The following SERINC5 variants were observed in gnomAD, a reference collection of about 807,000 sequenced individuals.
SERINC5 encodes the protein serine incorporator 5.
In SERINC5, 41 loss-of-function variants were observed where a neutral mutation model predicts 63.1. The ratio of observed to expected loss-of-function variants is 0.65; its 90% CI spans 0.51 to 0.84. SERINC5 has a LOEUF of 0.84. Among genes scored for constraint, SERINC5 ranks in the 40% least tolerant of loss-of-function variants. The pLI, the probability that SERINC5 is intolerant of heterozygous loss-of-function variation, is 0.00. For missense variants in SERINC5, 523 were observed against 573.0 expected (o/e 0.91, Z 0.89); for synonymous variants, 222 against 215.2 (o/e 1.03, Z -0.28).
At chr5:80,125,184 T>TA (rs980623347) in intron 11 of SERINC5, among the ~76,000 whole-genome samples, 1 of 152,198 alleles carries the variant, frequency 6.6e-6, no homozygotes, top group African/African-American at 2.4e-5. Context: ...TGCTAGGTGC[T>TA]AGGTATACAA....
At chr5:80,233,782 T>C (rs1751560032) in intron 1 of SERINC5, among the ~76,000 whole-genome samples, 1 of 151,244 alleles carries the variant, frequency 6.6e-6, no homozygotes, top group African/African-American at 2.4e-5. Flanking sequence ...ACAGGAAGTA[T>C]TTTATAGATC....
chr5:80,157,507 G>A (rs777451968), intron 8 of SERINC5: 1 of 149,432 alleles, frequency 6.7e-6, no homozygotes, highest in Non-Finnish European at 1.5e-5. Flanking sequence ...CCACAGGCAC[G>A]TGCCATCACG....
At chr5:80,219,838 C>T (rs1345735822) in intron 1 of SERINC5, among the ~76,000 whole-genome samples, 2 of 151,330 alleles carry the variant, frequency 1.3e-5, no homozygotes, top group African/African-American at 4.8e-5. Flanking sequence ...CATCACCACC[C>T]GCCAACCTTT....
chr5:80,182,832 C>T (rs758180146), intron 2 of SERINC5, among the ~76,000 whole-genome samples: 4 of 152,170 alleles, frequency 2.6e-5, no homozygotes, highest in Admixed American at 1.3e-4. Flanking sequence ...AGGCGTGAAC[C>T]ACCATGCCCA....
intron 1 of SERINC5, among the ~76,000 whole-genome samples, chr5:80,228,349 ACACT>A (rs1189081527): frequency 6.6e-6 from 1 of 151,788 alleles, no homozygotes; most frequent in South Asian, 2.1e-4. Flanking sequence ...AAATGTATAG[ACACT>A]CAGCATAAAA....
chr5:80,165,619 G>C (rs902326222), intron 7 of SERINC5, among the ~76,000 whole-genome samples: 2 of 152,180 alleles, frequency 1.3e-5, no homozygotes, highest in African/African-American at 4.8e-5. Context: ...TGTTGTCTCT[G>C]TAAATAAATG....
chr5:80,136,874 G>C (rs924319924), downstream of SERINC5, among the ~76,000 whole-genome samples: 1 of 152,080 alleles, frequency 6.6e-6, no homozygotes. Context: ...AGTGGCTCGC[G>C]CCTGTAATCC....
Position 80,202,903 on chromosome 5 carries a change from G to A in SERINC5, c.178C>T (p.His60Tyr), listed in dbSNP as rs375854503. Residue 60 changes from histidine to tyrosine, a missense_variant, in exon 2 of 12, where the codon CAC becomes TAC. Coordinates refer to ENST00000507668, the MANE Select transcript of SERINC5 (RefSeq NM_001174072.3). The part of the protein sequence containing the change: ...CCIMMSTTVA[H>Y]KMKEHIPFFE... ...AAACTTACGTGCTCTTTCATCTTGT[G>A]AGCCACGGTTGTTGACATCATGATG... The A allele has an allele frequency of 6.2e-7, 1 of 1,610,544 alleles. No homozygotes were observed. Among genetic ancestry groups the A allele is most frequent in the Non-Finnish European group, 8.5e-7 (1 of 1,177,242 alleles).
intron 2 of SERINC5, among the ~76,000 whole-genome samples, chr5:80,184,925 G>A (rs1219697916): frequency 1.3e-5 from 2 of 152,036 alleles, no homozygotes; most frequent in Non-Finnish European, 2.9e-5. Flanking sequence ...TGCCCAGGCT[G>A]GAGTGCAGTG....
Position 80,140,106 on chromosome 5 carries a change from C to T in SERINC5, c.*3557G>A, listed in dbSNP as rs1282348640. 3 of 929,096 alleles carry T rather than the reference C, an allele frequency of 3.2e-6. No individual in the cohort carries two copies. The highest frequency in any genetic ancestry group is 3.6e-5 in the African/African-American group (2 of 55,984). The allele number at this position is 929,096 out of a possible 1,614,324, so 57.6% of individuals were successfully genotyped here. A position where few individuals can be genotyped will look rare whatever the true frequency, so the allele number is the denominator to read the frequency against. On this transcript the variant is annotated 3_prime_UTR_variant, in exon 12 of 12. Transcript: ENST00000507668. The stretch of plus-strand genomic sequence containing the variant: ...GCACTTTGGGAAGCCAAGGCGGGCA[C>T]ATTGCTTGAGCTCAGGAGTTTGAGA...
intron 2 of SERINC5, among the ~76,000 whole-genome samples, chr5:80,201,012 T>C (rs757883383): frequency 6.6e-5 from 10 of 151,968 alleles, no homozygotes; most frequent in Middle Eastern, 3.2e-3. Flanking sequence ...GGTGGGAGAA[T>C]TGCTTGAACC....
intron 4 of SERINC5, 30 bp from the exon 5 acceptor site, chr5:80,175,077 G>A (rs752270922): frequency 1.4e-6 from 2 of 1,468,036 alleles, no homozygotes; most frequent in Non-Finnish European, 9.3e-7. Context: ...ACACAATGAG[G>A]CAACCTTTCG....
intron 11 of SERINC5, among the ~76,000 whole-genome samples, chr5:80,144,101 G>A (rs1580056039): frequency 6.6e-6 from 1 of 151,300 alleles, no homozygotes; most frequent in Non-Finnish European, 1.5e-5. Flanking sequence ...TGATATAAAA[G>A]GAATCACATG....
In SERINC5 at chr5:80,143,092, G is replaced by A. The variant is rs965759641; in HGVS notation, c.*571C>T. On this transcript the variant is annotated 3_prime_UTR_variant, in exon 12 of 12. Transcript: ENST00000507668. ...CAGCATCACAACCTCAAAGGGAAAC[G>A]TTTAGGGGCCGTGAAGAGGCAGCAC... is the stretch of plus-strand genomic sequence containing the variant. The A allele has an allele frequency of 3.3e-5, 33 of 985,420 alleles. No individual in the cohort carries two copies. The African/African-American group carries it at 4.9e-4, about 15-fold the overall frequency. 61.0% of individuals were successfully genotyped at this position (985,420 alleles called of 1,614,324 possible).
At chr5:80,205,064 G>A (rs886696959) in intron 1 of SERINC5, among the ~76,000 whole-genome samples, 1 of 152,168 alleles carries the variant, frequency 6.6e-6, no homozygotes, top group African/African-American at 2.4e-5. Context: ...ACACAAATGA[G>A]GAGCTGCACT....
intron 12 of SERINC5, among the ~76,000 whole-genome samples, chr5:80,112,636 G>A (rs1744163832): frequency 6.6e-6 from 1 of 151,972 alleles, no homozygotes; most frequent in Non-Finnish European, 1.5e-5. Flanking sequence ...AGGTGTGGAG[G>A]GGCAAACCAC....
At chr5:80,213,236 A>C (rs1285824901) in intron 1 of SERINC5, among the ~76,000 whole-genome samples, 2 of 152,018 alleles carry the variant, frequency 1.3e-5, no homozygotes, top group African/African-American at 2.4e-5. Flanking sequence ...ACAGGGCAAG[A>C]CTGCATCTCA....
intron 1 of SERINC5, among the ~76,000 whole-genome samples, chr5:80,233,186 G>A (rs1751530277): frequency 6.6e-6 from 1 of 152,220 alleles, no homozygotes; most frequent in Admixed American, 6.5e-5. Context: ...AGCACTTTGG[G>A]AGGCCAAGGA....
chr5:80,151,575 G>C (rs1483647844), intron 8 of SERINC5, among the ~76,000 whole-genome samples: 1 of 152,194 alleles, frequency 6.6e-6, no homozygotes, highest in Non-Finnish European at 1.5e-5. Context: ...AATACTCTGA[G>C]AGGAAGGGGT....
Sources: allele counts gnomAD v4.1 joint callset (sites outside exome capture counted in the v4.1 genomes callset), GRCh38; gene constraint gnomAD v4.1.1; transcripts MANE v1.5; gene names NCBI Gene and HGNC (gene_info 2026-07-23, HGNC 2026-07-21).